TENM3: variants seen among roughly 807,000 people sequenced by gnomAD.
TENM3 encodes teneurin transmembrane protein 3, also known as teneurin-3.
TENM3 carries 63 observed loss-of-function variants against 255.1 expected under a neutral mutation model. That is an observed-to-expected ratio of 0.25 (90% confidence interval 0.20 to 0.30). The LOEUF (loss-of-function observed/expected upper bound fraction) is 0.30, where lower values mean the gene tolerates loss of function less well. Ranked by LOEUF, TENM3 falls within the 10% of genes least tolerant of loss-of-function variation. TENM3 has a pLI of 1.00. For missense variants in TENM3, 2,929 were observed against 3,461.1 expected, an observed-to-expected ratio of 0.85 and a Z score of 3.86; for synonymous variants, 1,306 against 1,322.3, an observed-to-expected ratio of 0.99 and a Z score of 0.27.
chr4:182,306,741 T>C (rs1318582086), intron 1 of TENM3, among the ~76,000 whole-genome samples: 2 of 152,176 alleles, frequency 1.3e-5, no homozygotes, highest in African/African-American at 4.8e-5. Context: ...GATTTTCAAG[T>C]TGTACATACT....
At chr4:182,001,533 T>A in the TENM3 span, among the ~76,000 whole-genome samples, 1 of 152,088 alleles carries the variant, frequency 6.6e-6, no homozygotes, top group South Asian at 2.1e-4. Context: ...TGAAGGGTGT[T>A]TCTTTTAGAA....
At chr4:182,716,114 TC>T (rs1561149888) in intron 13 of TENM3, among the ~76,000 whole-genome samples, 1 of 152,080 alleles carries the variant, frequency 6.6e-6, no homozygotes, top group South Asian at 2.1e-4. Flanking sequence ...TTCGTTACTT[TC>T]CCCCAAAGAA....
chr4:182,365,212 A>G (rs1490583980), intron 3 of TENM3, among the ~76,000 whole-genome samples: 5 of 152,230 alleles, frequency 3.3e-5, no homozygotes, highest in Admixed American at 3.3e-4. Context: ...GTGAATTGCC[A>G]GTTCTTGCCT....
intron 3 of TENM3, among the ~76,000 whole-genome samples, chr4:182,400,600 G>GATAAA (rs1392275974): frequency 3.5e-4 from 54 of 152,260 alleles, no homozygotes; most frequent in African/African-American, 1.2e-3. Context: ...AAATCCAGAA[G>GATAAA]ATGGATAAAC....
chr4:181,756,854 A>G, the TENM3 span, among the ~76,000 whole-genome samples: 3 of 152,314 alleles, frequency 2.0e-5, no homozygotes, highest in East Asian at 5.8e-4. Flanking sequence ...TCAACTTTCC[A>G]TATTAGGACA....
the TENM3 span, among the ~76,000 whole-genome samples, chr4:181,523,181 A>G: frequency 1.1e-4 from 16 of 152,178 alleles, no homozygotes; most frequent in East Asian, 1.2e-3. Context: ...GGCTTTACCA[A>G]TCTCAACATT....
At chr4:181,457,204 T>A in the TENM3 span, among the ~76,000 whole-genome samples, 1 of 151,842 alleles carries the variant, frequency 6.6e-6, no homozygotes, top group Non-Finnish European at 1.5e-5. Flanking sequence ...AAATGATTTA[T>A]ATTTATTAAT....
chr4:181,906,755 C>T, the TENM3 span, among the ~76,000 whole-genome samples: 8 of 152,292 alleles, frequency 5.3e-5, no homozygotes, highest in Admixed American at 2.0e-4. Flanking sequence ...CTATGTTTCC[C>T]GGGCTGGACT....
chr4:181,506,253 G>A, the TENM3 span, among the ~76,000 whole-genome samples: 5 of 151,814 alleles, frequency 3.3e-5, no homozygotes, highest in Non-Finnish European at 7.4e-5. Flanking sequence ...GGACTTCTTG[G>A]GATATAACAC....
the TENM3 span, among the ~76,000 whole-genome samples, chr4:181,673,823 C>T: frequency 2.7e-5 from 4 of 150,768 alleles, no homozygotes; most frequent in Admixed American, 6.6e-5. Flanking sequence ...GTAGTGACCA[C>T]CTTGGAAAGT....
intron 12 of TENM3, among the ~76,000 whole-genome samples, chr4:182,702,944 G>A (rs1758002906): frequency 6.6e-6 from 1 of 151,906 alleles, no homozygotes; most frequent in Admixed American, 6.6e-5. Flanking sequence ...CACCATGTTA[G>A]CCAGGATGGT....
At chr4:182,689,040 TATATC>T (rs1756811276) in intron 12 of TENM3, among the ~76,000 whole-genome samples, 1 of 152,162 alleles carries the variant, frequency 6.6e-6, no homozygotes, top group South Asian at 2.1e-4. Context: ...CCAAAACATA[TATATC>T]ATGTTTTCAA....
chr4:182,256,282 C>A (rs1245342974), intron 1 of TENM3, among the ~76,000 whole-genome samples: 1 of 152,312 alleles, frequency 6.6e-6, no homozygotes, highest in South Asian at 2.1e-4. Context: ...GGCTCCATCT[C>A]AGCCTGTCTT....
At chr4:182,781,970 G>A (rs1238181387) in intron 24 of TENM3, among the ~76,000 whole-genome samples, 27 of 125,206 alleles carry the variant, frequency 2.2e-4, no homozygotes, top group South Asian at 2.8e-4. Flanking sequence ...TCTTGCTAGC[G>A]GTCTATCAAT....
At chr4:181,879,532 G>C in the TENM3 span, among the ~76,000 whole-genome samples, 85 of 152,292 alleles carry the variant, frequency 5.6e-4, no homozygotes, top group Middle Eastern at 0.014. Context: ...AAGGTGCCCG[G>C]CTACTGACAC....
At chr4:181,924,845 G>C in the TENM3 span, among the ~76,000 whole-genome samples, 1 of 152,108 alleles carries the variant, frequency 6.6e-6, no homozygotes, top group South Asian at 2.1e-4. Context: ...CTGTGACATT[G>C]ATTGCAACTT....
Position 182,161,880 on chromosome 4 carries a change from TATAC to T in TENM3, c.-76+17128_-76+17131del, listed in dbSNP as rs1465551831. Among the ~76,000 whole-genome samples, 14 of 94,358 alleles carry T rather than the reference TATAC, an allele frequency of 1.5e-4. 2 individuals are homozygous for T. The highest frequency in any genetic ancestry group is 1.1e-3 in the Admixed American group (10 of 9,224). The allele number at this position is 94,358 out of a possible 152,430, so 61.9% of individuals were successfully genotyped here. A position where few individuals can be genotyped will look rare whatever the true frequency, so the allele number is the denominator to read the frequency against. On this transcript the variant is annotated intron_variant, in intron 1 of 2. Transcript: ENST00000512480. ...ATATATGTGTATATATGTGTATATA[TATAC>T]ACACATATATGTGTATATATACACA...
the TENM3 span, among the ~76,000 whole-genome samples, chr4:181,613,994 T>C: frequency 6.9e-6 from 1 of 144,458 alleles, no homozygotes; most frequent in Admixed American, 7.4e-5. Flanking sequence ...TTTCTCATTA[T>C]GATTTTGTTT....
the TENM3 span, among the ~76,000 whole-genome samples, chr4:181,879,875 G>T: frequency 4.0e-5 from 6 of 149,838 alleles, no homozygotes; most frequent in African/African-American, 1.2e-4. Context: ...GCACATAAAA[G>T]TTAAGAAAAA....
Sources: allele counts gnomAD v4.1 joint callset (sites outside exome capture counted in the v4.1 genomes callset), GRCh38; gene constraint gnomAD v4.1.1; transcripts MANE v1.5; gene names NCBI Gene and HGNC (gene_info 2026-07-23, HGNC 2026-07-21).